Variants in ZNF607 observed in about 807,000 individuals in gnomAD.
The protein encoded by ZNF607 is zinc finger protein 607.
Under a neutral mutation model 12.8 loss-of-function variants are expected in ZNF607, and 5 were observed. That is an observed-to-expected ratio of 0.39 (90% confidence interval 0.20 to 0.82). ZNF607 has a LOEUF of 0.82. Ranked by LOEUF, ZNF607 falls within the 40% of genes least tolerant of loss-of-function variation. The pLI, the probability that ZNF607 is intolerant of heterozygous loss-of-function variation, is 0.39. For missense variants in ZNF607, 851 were observed against 859.2 expected (o/e 0.99, Z 0.12); for synonymous variants, 287 against 276.2 (o/e 1.04, Z -0.39).
intron 4 of ZNF607, among the ~76,000 whole-genome samples, chr19:37,703,491 A>C (rs2045056834): frequency 6.6e-6 from 1 of 152,156 alleles, no homozygotes; most frequent in Admixed American, 6.5e-5. Flanking sequence ...ACAAAAACAA[A>C]AACAAAACAG....
intron 4 of ZNF607, among the ~76,000 whole-genome samples, chr19:37,701,082 C>G (rs1252815102): frequency 6.6e-6 from 1 of 151,866 alleles, no homozygotes; most frequent in African/African-American, 2.4e-5. Context: ...CATTTTACCC[C>G]CTATCTTGTA....
At chr19:37,706,488 G>A (rs2045085458) in intron 4 of ZNF607, 1 of 152,132 alleles carries the variant, frequency 6.6e-6, no homozygotes, top group Non-Finnish European at 1.5e-5. Context: ...CTTTATTTAT[G>A]TCTTCTCTTT....
chr19:37,706,927 G>A (rs1263258562), intron 4 of ZNF607, among the ~76,000 whole-genome samples: 1 of 152,124 alleles, frequency 6.6e-6, no homozygotes, highest in Non-Finnish European at 1.5e-5. Context: ...CAAGGCTCAA[G>A]TGATCCTCCC....
At chr19:37,712,857 G>A (rs2045144075) in intron 1 of ZNF607, among the ~76,000 whole-genome samples, 1 of 151,928 alleles carries the variant, frequency 6.6e-6, no homozygotes, top group Admixed American at 6.6e-5. Flanking sequence ...GTTCCTTTGG[G>A]TCCCCAAACC....
At position 37,699,162 on chromosome 19, in the gene ZNF607, T is replaced by C; in HGVS notation, c.969A>G (p.Gln323=). The part of the protein sequence containing the change: ...ECGKGFTCRY[Q]LTMHQRIYSG... ...AATAAATTCTCTGATGCATGGTAAGTTGATACCTACATGTAAAGCCCTTCC... is the reference window on the plus strand; with the variant it reads ...AATAAATTCTCTGATGCATGGTAAGCTGATACCTACATGTAAAGCCCTTCC... Residue 323 remains glutamine, a synonymous_variant, in exon 5 of 5, where the codon CAA becomes CAG. Transcript: ENST00000355202. 6.2e-7 allele frequency: 1 copy of C among 1,614,160 alleles called. No homozygotes were observed. Among genetic ancestry groups the C allele is most frequent in the South Asian group, 1.1e-5 (1 of 91,084 alleles).
chr19:37,713,451 T>C (rs1298132439), intron 1 of ZNF607, among the ~76,000 whole-genome samples: 2 of 152,120 alleles, frequency 1.3e-5, no homozygotes, highest in Non-Finnish European at 2.9e-5. Context: ...TTTTTTTTTT[T>C]TTGAGGCAAA....
Position 37,697,798 on chromosome 19 carries a change from CT to C in ZNF607, c.*241del. 2.6e-6 allele frequency: 1 copy of C among 381,914 alleles called. No individual in the cohort carries two copies. The allele number at this position is 381,914 out of a possible 1,614,324, so 23.7% of individuals were successfully genotyped here. A position where few individuals can be genotyped will look rare whatever the true frequency, so the allele number is the denominator to read the frequency against. ...ACTAGAGGAATATCAGAAAAGTTTT[CT>C]TATGTTATTAAAAAAATACATTATA... On this transcript the variant is annotated 3_prime_UTR_variant, in exon 5 of 5. Coordinates refer to ENST00000355202, the MANE Select transcript of ZNF607 (RefSeq NM_032689.5).
rs1488671823 is a variant in ZNF607 at position 37,699,452 on chromosome 19, A to C, written c.679T>G (p.Cys227Gly). The C allele has an allele frequency of 1.2e-6, 2 of 1,614,022 alleles. No individual in the cohort carries two copies. Among genetic ancestry groups the C allele is most frequent in the Non-Finnish European group, 1.7e-6 (2 of 1,179,932 alleles). Residue 227 changes from cysteine (C) to glycine (G), a missense_variant, in exon 5 of 5, where the codon TGT becomes GGT. Transcript: ENST00000355202. ...RFHYGEKPYE[C>G]KECGKAFSVY... ...CTAAAGGCCTTGCCACATTCCTTACATTCGTAGGGTTTCTCACCATAATGA... is the reference window on the plus strand; with the variant it reads ...CTAAAGGCCTTGCCACATTCCTTACCTTCGTAGGGTTTCTCACCATAATGA...
At chr19:37,703,323 A>G (rs896540033) in intron 4 of ZNF607, among the ~76,000 whole-genome samples, 2 of 152,134 alleles carry the variant, frequency 1.3e-5, no homozygotes, top group African/African-American at 4.8e-5. Flanking sequence ...ATGGACAGAG[A>G]AACTAAATAG....
chr19:37,713,494 G>A (rs993908947), intron 1 of ZNF607, among the ~76,000 whole-genome samples: 4 of 150,960 alleles, frequency 2.6e-5, no homozygotes, highest in African/African-American at 9.8e-5. Flanking sequence ...GGAGTGCAGT[G>A]GCATGATCTT....
rs572213137 is a variant in ZNF607, at chr19:37,706,943, A to T, written c.235+971T>A. ...AAGGCTCAAGTGATCCTCCCACCTT[A>T]GCCTCCCAAGTAACTGGGATTATAG... On this transcript the variant is annotated intron_variant, in intron 4 of 4. Transcript: ENST00000355202. Among the ~76,000 whole-genome samples, 4 of 152,022 alleles carry T rather than the reference A, an allele frequency of 2.6e-5. No homozygotes were observed. In the South Asian group the frequency reaches 8.3e-4, roughly 32 times the overall value.
intron 1 of ZNF607, among the ~76,000 whole-genome samples, chr19:37,712,206 A>G (rs2045139145): frequency 6.6e-6 from 1 of 152,242 alleles, no homozygotes; most frequent in Non-Finnish European, 1.5e-5. Context: ...AATACAAACT[A>G]GTCATTAAAT....
chr19:37,708,548 G>A (rs1204046936), intron 3 of ZNF607, among the ~76,000 whole-genome samples: 2 of 151,540 alleles, frequency 1.3e-5, no homozygotes, highest in African/African-American at 4.8e-5. Flanking sequence ...AGCATAAAGT[G>A]GTTGAAAACA....
Position 37,697,179 on chromosome 19 carries a change from C to A in ZNF607, c.*861G>T. On this transcript the variant is annotated 3_prime_UTR_variant, in exon 5 of 5. Transcript: ENST00000355202. The stretch of plus-strand genomic sequence containing the variant: ...TTTGCTACCAGTGATGACTGGCGCA[C>A]TACGTGGTTGAGAACAGCAGTCAAA... The A allele has an allele frequency of 1.4e-6, 1 of 737,214 alleles. No individual in the cohort carries two copies. Among genetic ancestry groups the A allele is most frequent in the East Asian group, 2.5e-5 (1 of 39,484 alleles). 45.7% of individuals were successfully genotyped at this position (737,214 alleles called of 1,614,324 possible).
chr19:37,700,093 G>GAC (rs201879260), intron 4 of ZNF607, among the ~76,000 whole-genome samples, 198 bp from the exon 5 acceptor site: 15 of 151,634 alleles, frequency 9.9e-5, no homozygotes, highest in Middle Eastern at 3.4e-3. Context: ...TACACAAAGA[G>GAC]ACACACACAC....
chr19:37,698,117 G>C lies in ZNF607; in HGVS notation c.2014C>G (p.Pro672Ala). ...IHHRVHTGEK[P>A]FKCNKCRRSF... ...CTTCTGCATTTGTTACATTTAAAGGGTTTCTCACCAGTATGAACTCTATGA... is the reference window on the plus strand; with the variant it reads ...CTTCTGCATTTGTTACATTTAAAGGCTTTCTCACCAGTATGAACTCTATGA... The change falls in exon 5 of 5, where the codon CCC (proline) becomes GCC (alanine). Residue 672 changes from proline to alanine, a missense_variant. Pro to Ala is a conservative substitution (Grantham distance 27). Coordinates refer to ENST00000355202, the MANE Select transcript of ZNF607 (RefSeq NM_032689.5). 6.2e-7 allele frequency: 1 copy of C among 1,613,912 alleles called. No individual in the cohort carries two copies. Among genetic ancestry groups the C allele is most frequent in the South Asian group, 1.1e-5 (1 of 91,054 alleles).
At chr19:37,708,220 G>T (rs1324814503) in intron 3 of ZNF607, among the ~76,000 whole-genome samples, 1 of 150,348 alleles carries the variant, frequency 6.7e-6, no homozygotes, top group East Asian at 2.0e-4. Flanking sequence ...TTTTGCGACG[G>T]AGTCTCGCTC....
In ZNF607 at chr19:37,697,222, C is replaced by T. The variant is rs2909090; in HGVS notation, c.*818G>A. ...CAGTCAAAGATAATTGGTTTTTGTA[C>T]ACATGGGATGAGAAAGTGAGTCCCT... On this transcript the variant is annotated 3_prime_UTR_variant, in exon 5 of 5. Transcript: ENST00000355202. 6,185 of 740,456 alleles carry T rather than the reference C, an allele frequency of 8.4e-3. 275 individuals are homozygous for T. In the African/African-American group the frequency reaches 0.092, roughly 11 times the overall value. The allele number at this position is 740,456 out of a possible 1,614,324, so 45.9% of individuals were successfully genotyped here. A position where few individuals can be genotyped will look rare whatever the true frequency, so the allele number is the denominator to read the frequency against.
intron 3 of ZNF607, 141 bp downstream of exon 3, chr19:37,709,555 C>G (rs1456830526): frequency 1.1e-6 from 1 of 938,398 alleles, no homozygotes; most frequent in Non-Finnish European, 1.5e-6. Flanking sequence ...TGACTCAAAG[C>G]TGAAACCACC....
Sources: allele counts gnomAD v4.1 joint callset (sites outside exome capture counted in the v4.1 genomes callset), GRCh38; gene constraint gnomAD v4.1.1; transcripts MANE v1.5; gene names NCBI Gene and HGNC (gene_info 2026-07-23, HGNC 2026-07-21).